NPAS3: variants seen among roughly 807,000 people sequenced by gnomAD.
NPAS3 encodes the protein neuronal PAS domain protein 3.
In NPAS3, 14 loss-of-function variants were observed where a neutral mutation model predicts 73.1. The observed-to-expected ratio is 0.19, with a 90% CI of 0.13 to 0.30. The LOEUF (loss-of-function observed/expected upper bound fraction) is 0.30, where lower values mean the gene tolerates loss of function less well. Among genes scored for constraint, NPAS3 ranks in the 10% least tolerant of loss-of-function variants. NPAS3 has a pLI of 1.00. For missense variants in NPAS3, 1,096 were observed against 1,250.0 expected (o/e 0.88, Z 1.86); for synonymous variants, 620 against 541.5 (o/e 1.14, Z -2.01).
chr14:32,957,690 T>C lies in NPAS3; in HGVS notation c.50+18324T>C, dbSNP rs181645936. On this transcript the variant is annotated intron_variant, in intron 1 of 11. Transcript: ENST00000356141. ...CCCGGCCTAAGTATTCATTTTCTAT[T>C]CCAGCATTCTATTTTGCATTTGCCT... 5.2e-3 allele frequency among the ~76,000 whole-genome samples: 796 copies of C among 152,270 alleles called. 2 individuals carry two copies. The highest frequency in any genetic ancestry group is 0.012 in the Admixed American group (190 of 15,294).
chr14:33,594,676 C>G (rs1195581469), intron 5 of NPAS3, among the ~76,000 whole-genome samples: 3 of 152,190 alleles, frequency 2.0e-5, no homozygotes, highest in Admixed American at 2.0e-4. Context: ...GAAAACCACA[C>G]TGAAGGTGGG....
At chr14:33,341,383 T>C (rs1226222452) in intron 3 of NPAS3, among the ~76,000 whole-genome samples, 4 of 152,234 alleles carry the variant, frequency 2.6e-5, no homozygotes, top group African/African-American at 9.6e-5. Flanking sequence ...TTTTGTTCTG[T>C]AAGAACAGAA....
intron 2 of NPAS3, among the ~76,000 whole-genome samples, chr14:33,096,427 C>G (rs866249107): frequency 6.6e-6 from 1 of 152,062 alleles, no homozygotes; most frequent in Middle Eastern, 3.2e-3. Flanking sequence ...CATAGTTTAT[C>G]TAAGCCAATT....
chr14:32,964,323 G>A (rs972027591), intron 1 of NPAS3, among the ~76,000 whole-genome samples: 12 of 152,128 alleles, frequency 7.9e-5, no homozygotes, highest in African/African-American at 2.9e-4. Flanking sequence ...GTGAGGAACA[G>A]AGAGGTTAAG....
intron 7 of NPAS3, among the ~76,000 whole-genome samples, chr14:33,757,351 G>T (rs2062146315): frequency 6.6e-6 from 1 of 152,196 alleles, no homozygotes; most frequent in South Asian, 2.1e-4. Flanking sequence ...GTAAGACAGG[G>T]ATGAAGAGGA....
At chr14:32,994,520 G>A in intron 1 of NPAS3, among the ~76,000 whole-genome samples, 1 of 150,520 alleles carries the variant, frequency 6.6e-6, no homozygotes, top group East Asian at 1.9e-4. Flanking sequence ...TTTATGTAAA[G>A]AGAAGCTAAT....
rs996034625 is a variant in NPAS3, at chr14:33,045,292, C to G, written c.51-10613C>G. On this transcript the variant is annotated intron_variant, in intron 1 of 11. Coordinates refer to ENST00000356141, the Ensembl canonical transcript of NPAS3. Reference sequence around the variant, plus strand: ...AGTTGGAAAGTTGCCTATTTTCCATCTGTATCTTTATTTCTGAGATTTGCT... The same window carrying G: ...AGTTGGAAAGTTGCCTATTTTCCATGTGTATCTTTATTTCTGAGATTTGCT... Among the ~76,000 whole-genome samples, 8 of 152,162 alleles carry G rather than the reference C, an allele frequency of 5.3e-5. No individual in the cohort carries two copies. The East Asian group carries it at 5.8e-4, about 11-fold the overall frequency.
At chr14:33,526,408 A>G (rs1257742981) in intron 4 of NPAS3, among the ~76,000 whole-genome samples, 10 of 151,052 alleles carry the variant, frequency 6.6e-5, no homozygotes, top group Non-Finnish European at 1.5e-4. Context: ...CCTATTGGAC[A>G]AATTTTTGAA....
intron 2 of NPAS3, among the ~76,000 whole-genome samples, chr14:33,179,486 T>C (rs1009446214): frequency 1.1e-4 from 16 of 152,320 alleles, no homozygotes; most frequent in Middle Eastern, 3.4e-3. Context: ...CAACTGTTAA[T>C]AAATAAAAGG....
chr14:33,199,019 T>C (rs919078594), intron 2 of NPAS3, among the ~76,000 whole-genome samples: 3 of 152,156 alleles, frequency 2.0e-5, no homozygotes, highest in Non-Finnish European at 4.4e-5. Flanking sequence ...GGTGCCGGCC[T>C]GCTGGCCGCT....
In NPAS3 at chr14:33,774,818, A is replaced by G. The variant is rs577121243; in HGVS notation, c.1046+288A>G. 3.3e-5 allele frequency among the ~76,000 whole-genome samples: 5 copies of G among 152,308 alleles called. No individual in the cohort carries two copies. In the South Asian group the frequency reaches 1.0e-3, roughly 32 times the overall value. On this transcript the variant is annotated intron_variant, in intron 8 of 11. Transcript: ENST00000356141. ...AACCCAAGGAGAGAGCAGGGCTTAG[A>G]TGCCATTGGCAAAATGATGCAGTAA...
At chr14:33,205,162 T>G (rs2046777075) in intron 2 of NPAS3, among the ~76,000 whole-genome samples, 1 of 152,190 alleles carries the variant, frequency 6.6e-6, no homozygotes, top group Non-Finnish European at 1.5e-5. Flanking sequence ...TGGATATATA[T>G]TATCTCTATA....
intron 6 of NPAS3, among the ~76,000 whole-genome samples, chr14:33,731,973 C>T (rs757658949): frequency 1.4e-4 from 22 of 152,148 alleles, no homozygotes; most frequent in Non-Finnish European, 2.8e-4. Flanking sequence ...CAGCTTTACC[C>T]GTAGATTTTT....
At chr14:33,186,469 C>T (rs1454073332) in intron 2 of NPAS3, among the ~76,000 whole-genome samples, 1 of 152,134 alleles carries the variant, frequency 6.6e-6, no homozygotes, top group Non-Finnish European at 1.5e-5. Flanking sequence ...TTTACCCTGC[C>T]ACCAGATTTC....
intron 11 of NPAS3, among the ~76,000 whole-genome samples, chr14:33,797,865 T>C (rs201542633): frequency 6.5e-5 from 6 of 91,642 alleles, no homozygotes; most frequent in Admixed American, 2.3e-4. Context: ...TATATATACA[T>C]ATATATATAT....
Position 33,272,150 on chromosome 14 carries a change from G to T in NPAS3, c.385+56724G>T, listed in dbSNP as rs375819614. Reference sequence around the variant, plus strand: ...AAATCATGTTTCTCAATCCTGTTTTGCTCAGCATCTTAGGCAAATCATGGC... The same window carrying T: ...AAATCATGTTTCTCAATCCTGTTTTTCTCAGCATCTTAGGCAAATCATGGC... On this transcript the variant is annotated intron_variant, in intron 3 of 11. Coordinates refer to ENST00000356141, the Ensembl canonical transcript of NPAS3. Among the ~76,000 whole-genome samples, 13 of 152,188 alleles carry T rather than the reference G, an allele frequency of 8.5e-5. No homozygotes were observed. In the East Asian group the frequency reaches 1.7e-3, roughly 20 times the overall value.
At chr14:33,197,117 G>C (rs1044816935) in intron 2 of NPAS3, among the ~76,000 whole-genome samples, 11 of 152,142 alleles carry the variant, frequency 7.2e-5, no homozygotes, top group African/African-American at 2.7e-4. Flanking sequence ...AATGTCATCA[G>C]AGTCTATCAA....
chr14:33,490,088 C>A (rs1213777982), intron 4 of NPAS3, among the ~76,000 whole-genome samples: 1 of 152,078 alleles, frequency 6.6e-6, no homozygotes, highest in Non-Finnish European at 1.5e-5. Context: ...GAAAAAAGTT[C>A]TCTTTGTGCA....
At chr14:33,733,620 G>T (rs909567117) in intron 6 of NPAS3, among the ~76,000 whole-genome samples, 1 of 152,148 alleles carries the variant, frequency 6.6e-6, no homozygotes, top group Non-Finnish European at 1.5e-5. Flanking sequence ...AGCTGTTGGC[G>T]TATTATGGCG....
Sources: gnomAD v4.1 joint callset for allele counts (sites outside exome capture counted in the v4.1 genomes callset) on GRCh38, gnomAD v4.1.1 for gene constraint, MANE v1.5 for transcripts, NCBI Gene and HGNC (gene_info 2026-07-23, HGNC 2026-07-21) for gene names.